ADGRD1: variants seen among roughly 807,000 people sequenced by gnomAD.
The protein encoded by ADGRD1 is adhesion G protein-coupled receptor D1, also known as G-protein coupled receptor 133.
In ADGRD1, 77 loss-of-function variants were observed where a neutral mutation model predicts 113.4. That is an observed-to-expected ratio of 0.68 (90% CI 0.57 to 0.82). The LOEUF (loss-of-function observed/expected upper bound fraction) is 0.82, where lower values mean the gene tolerates loss of function less well. Among genes scored for constraint, ADGRD1 ranks in the 40% least tolerant of loss-of-function variants. ADGRD1 has a pLI of 0.00. For synonymous variants in ADGRD1, 474 were observed against 475.0 expected (o/e 1.00, Z 0.03); for missense variants, 1,036 against 1,139.1 (o/e 0.91, Z 1.30).
At chr12:131,051,482 T>C (rs368205565) in intron 13 of ADGRD1, among the ~76,000 whole-genome samples, 2 of 870 alleles carry the variant, frequency 2.3e-3, no homozygotes, top group Admixed American at 0.019. Context: ...TCTTTCTTTC[T>C]TTTCTTTTTT....
chr12:131,079,223 C>T (rs932249830), intron 14 of ADGRD1, among the ~76,000 whole-genome samples: 6 of 152,136 alleles, frequency 3.9e-5, no homozygotes, highest in African/African-American at 7.2e-5. Context: ...GGGGGTATTC[C>T]GTTACATGGA....
intron 13 of ADGRD1, among the ~76,000 whole-genome samples, chr12:131,044,854 C>G (rs920299291): frequency 7.2e-5 from 11 of 152,246 alleles, no homozygotes; most frequent in African/African-American, 2.7e-4. Flanking sequence ...AAAATGAAAC[C>G]GAAACCCGAA....
chr12:131,138,886 T>G (rs1029030609), intron 24 of ADGRD1, among the ~76,000 whole-genome samples: 2 of 152,014 alleles, frequency 1.3e-5, no homozygotes, highest in Non-Finnish European at 2.9e-5. Context: ...AAAGCGTGGG[T>G]GCCGGGCAGA....
At chr12:130,969,996 A>C (rs1443745178) in intron 3 of ADGRD1, 3 of 152,252 alleles carry the variant, frequency 2.0e-5, no homozygotes, top group Non-Finnish European at 4.4e-5. Context: ...AAAATACCTC[A>C]TCAAACATTT....
chr12:130,970,748 G>A (rs950641091), intron 3 of ADGRD1: 1 of 152,392 alleles, frequency 6.6e-6, no homozygotes, highest in African/African-American at 2.4e-5. Flanking sequence ...CCTGGCCATG[G>A]GAACGGGACA....
At chr12:131,093,965 C>T (rs1328027599) in intron 15 of ADGRD1, among the ~76,000 whole-genome samples, 1 of 145,554 alleles carries the variant, frequency 6.9e-6, no homozygotes, top group Non-Finnish European at 1.5e-5. Context: ...AGCCTCAGCA[C>T]CCAGCCCTGA....
At chr12:131,028,719 C>T (rs966785441) in intron 13 of ADGRD1, among the ~76,000 whole-genome samples, 7 of 152,132 alleles carry the variant, frequency 4.6e-5, no homozygotes, top group Admixed American at 3.9e-4. Flanking sequence ...GCTGTGGTGC[C>T]GCCTTTGCCG....
At chr12:131,039,463 A>G (rs1881891036) in intron 13 of ADGRD1, among the ~76,000 whole-genome samples, 1 of 152,274 alleles carries the variant, frequency 6.6e-6, no homozygotes, top group Non-Finnish European at 1.5e-5. Context: ...AGTCACACAG[A>G]GTTCACGATG....
chr12:131,009,683 TTG>T (rs113031898), intron 12 of ADGRD1, among the ~76,000 whole-genome samples: 2,539 of 152,250 alleles, frequency 0.017, 60 homozygotes, highest in African/African-American at 0.058. Context: ...ATGTATGTGC[TTG>T]TGTGGTGTAT....
intron 5 of ADGRD1, 46 bp from the exon 6 acceptor site, chr12:130,987,049 G>A (rs1407064640): frequency 6.3e-7 from 1 of 1,577,968 alleles, no homozygotes; most frequent in Non-Finnish European, 8.7e-7. Context: ...TGCATGGGGA[G>A]CTCATTCCCA....
At chr12:131,018,346 C>A (rs1407665084) in intron 13 of ADGRD1, among the ~76,000 whole-genome samples, 1 of 152,202 alleles carries the variant, frequency 6.6e-6, no homozygotes, top group Admixed American at 6.5e-5. Flanking sequence ...GGGGCATCGG[C>A]TCGGGTTTTG....
chr12:131,059,288 C>T (rs1043911307), intron 13 of ADGRD1, among the ~76,000 whole-genome samples: 1 of 152,298 alleles, frequency 6.6e-6, no homozygotes, highest in South Asian at 2.1e-4. Flanking sequence ...ATTCTCGTGC[C>T]TCAGCCTCCT....
At chr12:130,959,904 A>T (rs1870141802) in intron 2 of ADGRD1, among the ~76,000 whole-genome samples, 1 of 152,222 alleles carries the variant, frequency 6.6e-6, no homozygotes, top group South Asian at 2.1e-4. Context: ...GACCGTGGGG[A>T]CTATTGAGCC....
Position 130,963,189 on chromosome 12 carries a change from G to A in ADGRD1, c.104-3274G>A, listed in dbSNP as rs372428482. 4.0e-5 allele frequency among the ~76,000 whole-genome samples: 6 copies of A among 151,692 alleles called. No homozygotes were observed. The East Asian group carries it at 5.8e-4, about 15-fold the overall frequency. On this transcript the variant is annotated intron_variant, in intron 2 of 24. Coordinates refer to ENST00000261654, the MANE Select transcript of ADGRD1 (RefSeq NM_198827.5). ...CAAAAAATTAGCCAGGCGTGGTGGC[G>A]GGCGCCTGTAGTCCCAGCTACTTGG... is the stretch of plus-strand genomic sequence containing the variant.
intron 4 of ADGRD1, chr12:130,978,270 G>C (rs961019986): frequency 2.0e-5 from 3 of 151,876 alleles, no homozygotes; most frequent in African/African-American, 7.3e-5. Context: ...AATTTTTTTT[G>C]CCTTGCAGAA....
At chr12:131,109,509 T>G (rs1480966624) in intron 18 of ADGRD1, among the ~76,000 whole-genome samples, 1 of 152,242 alleles carries the variant, frequency 6.6e-6, no homozygotes, top group East Asian at 1.9e-4. Flanking sequence ...CATTGATTAT[T>G]TATGTTGTTT....
rs368462891 is a variant in ADGRD1 at position 131,121,286 on chromosome 12, G to A, written c.2175+373G>A. On this transcript the variant is annotated intron_variant, in intron 20 of 24. Coordinates refer to ENST00000261654, the MANE Select transcript of ADGRD1 (RefSeq NM_198827.5). Reference sequence around the variant, plus strand: ...TCACCAGGACTCCAAGGCTGCAGAGGGGAATCTCAGCAGAAGCCTCCTGGG... The same window carrying A: ...TCACCAGGACTCCAAGGCTGCAGAGAGGAATCTCAGCAGAAGCCTCCTGGG... Among the ~76,000 whole-genome samples, 21 of 152,324 alleles carry A rather than the reference G, an allele frequency of 1.4e-4. No individual in the cohort carries two copies. The East Asian group carries it at 3.3e-3, about 24-fold the overall frequency.
chr12:130,971,703 C>A lies in ADGRD1; in HGVS notation c.310+123C>A. 1.9e-6 allele frequency: 2 copies of A among 1,051,192 alleles called. No homozygotes were observed. The highest frequency in any genetic ancestry group is 1.8e-5 in the South Asian group (1 of 54,826). 65.1% of individuals were successfully genotyped at this position (1,051,192 alleles called of 1,614,324 possible). On this transcript the variant is annotated intron_variant, in intron 4 of 24. Coordinates refer to ENST00000261654, the MANE Select transcript of ADGRD1 (RefSeq NM_198827.5). The surrounding 1 kb of genome is among the most constrained non-coding windows in gnomAD (Gnocchi z 4.2). ...TCAATTGCAGAATGCGTGAGAATGT[C>A]AACGATGGATCGGAGGGCAGGGGAG...
At position 131,041,405 on chromosome 12, in the gene ADGRD1, C is replaced by A. The variant is rs1882113092; in HGVS notation, c.1473+27065C>A. ...GCCCTTTCCCTGTCCAGTGGAAAGC[C>A]TCGATGGGGAGCTGACCCAGCCACC... On this transcript the variant is annotated intron_variant, in intron 13 of 24. Transcript: ENST00000261654. The surrounding 1 kb of genome is among the most constrained non-coding windows in gnomAD (Gnocchi z 4.4). 6.6e-6 allele frequency among the ~76,000 whole-genome samples: 1 copy of A among 152,150 alleles called. No individual in the cohort carries two copies. Among genetic ancestry groups the A allele is most frequent in the Admixed American group, 6.5e-5 (1 of 15,272 alleles).
Sources: allele counts gnomAD v4.1 joint callset (sites outside exome capture counted in the v4.1 genomes callset), GRCh38; gene constraint gnomAD v4.1.1; non-coding constraint Gnocchi (gnomAD v3.1); transcripts MANE v1.5; gene names NCBI Gene and HGNC (gene_info 2026-07-23, HGNC 2026-07-21).